Variants in DYNC2H1 observed in about 807,000 individuals in gnomAD.
The protein encoded by DYNC2H1 is cytoplasmic dynein 2 heavy chain 1.
In DYNC2H1, 410 loss-of-function variants were observed where a neutral mutation model predicts 570.0. The observed-to-expected ratio is 0.72, with a 90% confidence interval of 0.66 to 0.78. The LOEUF is 0.78. DYNC2H1 is among the 30% of genes least tolerant of loss of function. The pLI is 0.00. For missense variants in DYNC2H1, 4,865 were observed against 5,046.4 expected, an observed-to-expected ratio of 0.96 and a Z score of 1.09; for synonymous variants, 1,688 against 1,677.6, an observed-to-expected ratio of 1.01 and a Z score of -0.15.
Position 103,117,778 on chromosome 11 carries a change from T to C in DYNC2H1, c.914T>C (p.Val305Ala). The C allele has an allele frequency of 6.2e-7, 1 of 1,613,452 alleles. No individual in the cohort carries two copies. The highest frequency in any genetic ancestry group is 8.5e-7 in the Non-Finnish European group (1 of 1,179,508). The change falls in exon 6 of 89, where the codon GTG (valine) becomes GCG (alanine). Residue 305 changes from valine (V) to alanine (A), a missense_variant. Physicochemically the swap from Val to Ala is moderately conservative, Grantham distance 64. Around this residue, in one of 5 missense-constraint regions of DYNC2H1, gnomAD observed 1,936 missense variants for 1,962.1 expected, o/e 0.99. Transcript: ENST00000375735. ...GTCTGTAATCATCTAACAGGTCAGGTGTGGCAGCGCTATGTTCCTCATCCA... is the reference window on the plus strand; with the variant it reads ...GTCTGTAATCATCTAACAGGTCAGGCGTGGCAGCGCTATGTTCCTCATCCA... ...VIVCNHLTGQ[V>A]WQRYVPHPWK...
chr11:103,285,465 C>G (rs1171090807), intron 73 of DYNC2H1, among the ~76,000 whole-genome samples: 1 of 146,818 alleles, frequency 6.8e-6, no homozygotes, highest in Non-Finnish European at 1.5e-5. Flanking sequence ...CTCTGTTATC[C>G]AGGCTGGAGT....
At position 103,425,900 on chromosome 11, in the gene DYNC2H1, T is replaced by A. The variant is rs1943653201; in HGVS notation, c.12367-10043T>A. Among the ~76,000 whole-genome samples the A allele has an allele frequency of 4.6e-5, 7 of 151,996 alleles. No individual in the cohort carries two copies. The South Asian group carries it at 1.0e-3, about 23-fold the overall frequency. ...ATACATAATTCTAGAAAATTCAAAT[T>A]AGTATGTTGTTGGGAACAGGCCCCC... is the stretch of plus-strand genomic sequence containing the variant. On this transcript the variant is annotated intron_variant, in intron 84 of 88. Coordinates refer to ENST00000375735, the MANE Select transcript of DYNC2H1 (RefSeq NM_001377.3).
chr11:103,239,815 T>TAC lies in DYNC2H1; in HGVS notation c.9819+3277_9819+3278dup, dbSNP rs1374334566. On this transcript the variant is annotated intron_variant, in intron 63 of 88. Coordinates refer to ENST00000375735, the MANE Select transcript of DYNC2H1 (RefSeq NM_001377.3). This position sits in a 1 kb window ranked among gnomAD's most constrained non-coding sequence, Gnocchi z 4.3. The stretch of plus-strand genomic sequence containing the variant: ...AAAATAGACATAACATTATAGGGTG[T>TAC]ACTAGGTGTTTTAAAAATTATCTCT... Among the ~76,000 whole-genome samples the TAC allele has an allele frequency of 6.6e-6, 1 of 152,218 alleles. No individual in the cohort carries two copies. Among genetic ancestry groups the TAC allele is most frequent in the Non-Finnish European group, 1.5e-5 (1 of 68,042 alleles).
intron 15 of DYNC2H1, 109 bp from the exon 16 acceptor site, chr11:103,135,386 G>T: frequency 9.6e-7 from 1 of 1,044,790 alleles, no homozygotes; most frequent in Non-Finnish European, 1.3e-6. Context: ...AAATGAGTTG[G>T]TTTTATTTTT....
intron 17 of DYNC2H1, among the ~76,000 whole-genome samples, chr11:103,138,719 T>G (rs1820579054): frequency 6.6e-6 from 1 of 152,240 alleles, no homozygotes; most frequent in African/African-American, 2.4e-5. Flanking sequence ...AGGATGACAC[T>G]GGCCTCATAA....
rs1056909820 is a variant in DYNC2H1, at chr11:103,325,965, T to C, written c.12039+1975T>C. Among the ~76,000 whole-genome samples the C allele has an allele frequency of 7.2e-5, 11 of 152,128 alleles. No individual in the cohort carries two copies. Among genetic ancestry groups the C allele is most frequent in the African/African-American group, 2.7e-4 (11 of 41,408 alleles). ...GATTCTCATCTGGTGGGGCTGGCGT[T>C]CCTTTAACTCTGATGCAAGTTGGGT... On this transcript the variant is annotated intron_variant, in intron 82 of 88. Transcript: ENST00000375735. The surrounding 1 kb of genome is among the most constrained non-coding windows in gnomAD (Gnocchi z 4.8).
chr11:103,186,164 G>A lies in DYNC2H1; in HGVS notation c.6634-78G>A, dbSNP rs530930994. 36 of 1,383,614 alleles carry A rather than the reference G, an allele frequency of 2.6e-5. No individual in the cohort carries two copies. The highest frequency in any genetic ancestry group is 3.2e-5 in the Non-Finnish European group (33 of 1,029,898). The allele number at this position is 1,383,614 out of a possible 1,614,324, so 85.7% of individuals were successfully genotyped here. A position where few individuals can be genotyped will look rare whatever the true frequency, so the allele number is the denominator to read the frequency against. On this transcript the variant is annotated intron_variant, in intron 41 of 88. Coordinates refer to ENST00000375735, the MANE Select transcript of DYNC2H1 (RefSeq NM_001377.3). The surrounding 1 kb of genome is among the most constrained non-coding windows in gnomAD (Gnocchi z 4.5). ...TGGAACTAAGATGATTTACTTTTGG[G>A]ATATTTACTTGGAAGAATTTTAAAA...
At chr11:103,337,135 A>G (rs1939179661) in intron 82 of DYNC2H1, among the ~76,000 whole-genome samples, 1 of 152,230 alleles carries the variant, frequency 6.6e-6, no homozygotes, top group South Asian at 2.1e-4. Flanking sequence ...CCTTAAGGAC[A>G]TGTTTCTGCT....
At chr11:103,251,120 A>G (rs1004802650) in intron 65 of DYNC2H1, among the ~76,000 whole-genome samples, 2 of 152,014 alleles carry the variant, frequency 1.3e-5, no homozygotes, top group Admixed American at 1.3e-4. Flanking sequence ...GTGTATTGAG[A>G]TAAATATCCT....
intron 73 of DYNC2H1, among the ~76,000 whole-genome samples, chr11:103,285,933 A>C (rs1251907436): frequency 6.6e-6 from 1 of 152,212 alleles, no homozygotes; most frequent in Non-Finnish European, 1.5e-5. Context: ...AATCCTTAAA[A>C]TTTGCACTTG....
At chr11:103,367,120 A>G (rs1591637457) in intron 83 of DYNC2H1, among the ~76,000 whole-genome samples, 1 of 152,150 alleles carries the variant, frequency 6.6e-6, no homozygotes, top group East Asian at 1.9e-4. Flanking sequence ...GAAGAATAAT[A>G]ATCATTTTTA....
chr11:103,114,333 A>T (rs1565309003), intron 3 of DYNC2H1, 95 bp downstream of exon 3: 9 of 1,356,302 alleles, frequency 6.6e-6, no homozygotes, highest in Middle Eastern at 2.7e-4. Flanking sequence ...TTCTTCAAAT[A>T]CTTTTGGAAT....
At position 103,303,169 on chromosome 11, in the gene DYNC2H1, G is replaced by C; in HGVS notation, c.11172G>C (p.Leu3724Phe). 1 of 1,612,472 alleles carries C rather than the reference G, an allele frequency of 6.2e-7. No homozygotes were observed. Among genetic ancestry groups the C allele is most frequent in the Non-Finnish European group, 8.5e-7 (1 of 1,178,940 alleles). Residue 3724 changes from leucine (L) to phenylalanine (F), a missense_variant, in exon 76 of 89, where the codon TTG (leucine) becomes TTC (phenylalanine). This residue lies in a region of DYNC2H1 where 2,401 missense variants were observed against 2,454.6 expected (regional missense o/e 0.98). Transcript: ENST00000375735. ...AGACACTGGAAATTGAACCCATCTT[G>C]ATAATTATTTCTCCGGGTGCTGATC... ...YKETLEIEPI[L>F]IIISPGADPS...
chr11:103,229,463 T>G (rs1160101198), intron 59 of DYNC2H1, among the ~76,000 whole-genome samples: 2 of 152,234 alleles, frequency 1.3e-5, no homozygotes, highest in Non-Finnish European at 2.9e-5. Flanking sequence ...TTTATTCATC[T>G]TATTTCCTTT....
rs1487922357 is a variant in DYNC2H1 at position 103,231,445 on chromosome 11, T to TAA, written c.9440+100_9440+101insAA. ...TTTTGACTTTTAAGATTTAGACTCT[T>TAA]ATGTCAGATGATGCTGTGGGACCCA... On this transcript the variant is annotated intron_variant, in intron 60 of 88. Transcript: ENST00000375735. The TAA allele has an allele frequency of 1.0e-5, 7 of 691,628 alleles. No individual in the cohort carries two copies. The Admixed American group carries it at 2.1e-4, about 21-fold the overall frequency. The allele number at this position is 691,628 out of a possible 1,614,324, so 42.8% of individuals were successfully genotyped here.
intron 82 of DYNC2H1, among the ~76,000 whole-genome samples, chr11:103,331,901 A>T (rs769296122): frequency 6.6e-6 from 1 of 152,150 alleles, no homozygotes; most frequent in South Asian, 2.1e-4. Context: ...TCTACTAAAA[A>T]TACAAAAAAT....
At position 103,189,875 on chromosome 11, in the gene DYNC2H1, C is replaced by A; in HGVS notation, c.7437+59C>A. ...TATTAGTATCATTTCTAAAGGTCTA[C>A]TTTTAATTCTGACCTCTGTGTTGAC... On this transcript the variant is annotated intron_variant, in intron 45 of 88. Transcript: ENST00000375735. The surrounding 1 kb of genome is among the most constrained non-coding windows in gnomAD (Gnocchi z 4.3). The A allele has an allele frequency of 6.7e-7, 1 of 1,488,740 alleles. No individual in the cohort carries two copies. Among genetic ancestry groups the A allele is most frequent in the Admixed American group, 2.2e-5 (1 of 45,770 alleles). 92.2% of individuals were successfully genotyped at this position (1,488,740 alleles called of 1,614,324 possible).
Position 103,154,483 on chromosome 11 carries a change from C to T in DYNC2H1, c.3335C>T (p.Pro1112Leu). Reference sequence around the variant, plus strand: ...TGCCATCATTTTAGACTGGAAGAGCCTAATTTCTCCCTGGCAAGTAGTATC... The same window carrying T: ...TGCCATCATTTTAGACTGGAAGAGCTTAATTTCTCCCTGGCAAGTAGTATC... ...DDCHHFRLEE[P>L]NFSLASSISK... The change falls in exon 23 of 89, where the codon CCT becomes CTT. Residue 1112 changes from proline to leucine, a missense_variant. Coordinates refer to ENST00000375735, the MANE Select transcript of DYNC2H1 (RefSeq NM_001377.3). The T allele has an allele frequency of 1.3e-6, 2 of 1,554,566 alleles. No individual in the cohort carries two copies. Among genetic ancestry groups the T allele is most frequent in the Non-Finnish European group, 8.7e-7 (1 of 1,151,960 alleles).
intron 12 of DYNC2H1, among the ~76,000 whole-genome samples, chr11:103,127,929 T>C (rs1430859882): frequency 6.6e-6 from 1 of 152,142 alleles, no homozygotes; most frequent in Admixed American, 6.5e-5. Context: ...AATAAAGATA[T>C]TGTGACAAAG....
Sources: allele counts gnomAD v4.1 joint callset (sites outside exome capture counted in the v4.1 genomes callset), GRCh38; gene constraint gnomAD v4.1.1; regional missense constraint gnomAD v4.1.1; non-coding constraint Gnocchi (gnomAD v3.1); transcripts MANE v1.5; gene names NCBI Gene and HGNC (gene_info 2026-07-23, HGNC 2026-07-21).